The following THADA variants were observed in gnomAD, a reference collection of about 807,000 sequenced individuals.
THADA encodes tRNA (32-2'-O)-methyltransferase regulator THADA.
In THADA, 213 loss-of-function variants were observed where a neutral mutation model predicts 219.8. The ratio of observed to expected loss-of-function variants is 0.97; its 90% CI spans 0.87 to 1.09. The LOEUF (loss-of-function observed/expected upper bound fraction) is 1.09. Ranked by LOEUF, THADA falls within the 50% of genes least tolerant of loss-of-function variation. The probability of loss-of-function intolerance (pLI) is 0.00; values close to 1 mark genes in which losing one functional copy is unlikely to be tolerated. For missense variants in THADA, 2,956 were observed against 2,311.3 expected (o/e 1.28, Z -5.72); for synonymous variants, 1,018 against 828.9 (o/e 1.23, Z -3.92).
chr2:43,385,171 C>T (rs563151340), intron 29 of THADA, among the ~76,000 whole-genome samples: 28 of 151,464 alleles, frequency 1.8e-4, no homozygotes, highest in Admixed American at 4.6e-4. Flanking sequence ...ACAAAAAAAC[C>T]CACAAAAAAA....
At chr2:43,273,218 C>T (rs1006117444) in intron 36 of THADA, among the ~76,000 whole-genome samples, 1 of 151,392 alleles carries the variant, frequency 6.6e-6, no homozygotes, top group Non-Finnish European at 1.5e-5. Flanking sequence ...CACCACTGCA[C>T]TCTCGCCTGG....
chr2:43,575,124 G>A, intron 10 of THADA, 97 bp from the exon 11 acceptor site: 6 of 881,320 alleles, frequency 6.8e-6, no homozygotes, highest in South Asian at 2.3e-5. Context: ...TAAATACACA[G>A]AATGACCACA....
At chr2:43,295,506 G>A (rs957229091) in intron 31 of THADA, among the ~76,000 whole-genome samples, 2 of 152,202 alleles carry the variant, frequency 1.3e-5, no homozygotes, top group South Asian at 4.1e-4. Flanking sequence ...CCAAAATTTA[G>A]ATATTATATT....
At chr2:43,413,057 G>T (rs1330308094) in intron 28 of THADA, among the ~76,000 whole-genome samples, 1 of 151,900 alleles carries the variant, frequency 6.6e-6, no homozygotes, top group African/African-American at 2.4e-5. Context: ...GGGCATTTGG[G>T]GTTAACGATA....
intron 25 of THADA, among the ~76,000 whole-genome samples, chr2:43,491,761 C>A (rs1050569276): frequency 2.6e-5 from 4 of 152,152 alleles, no homozygotes; most frequent in Non-Finnish European, 4.4e-5. Flanking sequence ...AATTCCCAAA[C>A]AACAGATTTC....
At chr2:43,540,267 C>A (rs114252335) in intron 21 of THADA, among the ~76,000 whole-genome samples, 67 of 152,336 alleles carry the variant, frequency 4.4e-4, no homozygotes, top group African/African-American at 1.4e-3. Flanking sequence ...TCCTGTGCGC[C>A]TTTGCCTTTC....
chr2:43,536,124 G>A (rs2103783639), intron 21 of THADA, among the ~76,000 whole-genome samples: 1 of 152,212 alleles, frequency 6.6e-6, no homozygotes, highest in East Asian at 1.9e-4. Flanking sequence ...GTTGATTTTT[G>A]TATAGAGTGA....
At chr2:43,270,716 A>T (rs1282516097) in intron 36 of THADA, among the ~76,000 whole-genome samples, 1 of 152,142 alleles carries the variant, frequency 6.6e-6, no homozygotes, top group East Asian at 1.9e-4. Context: ...GAAGTATAGT[A>T]GGTCCCTATA....
At chr2:43,527,722 T>C (rs1212368007) in intron 22 of THADA, among the ~76,000 whole-genome samples, 157 bp downstream of exon 22, 5 of 152,222 alleles carry the variant, frequency 3.3e-5, no homozygotes, top group East Asian at 1.9e-4. Context: ...CAGTAAATCA[T>C]ACAATGAAAC....
intron 17 of THADA, among the ~76,000 whole-genome samples, chr2:43,553,977 A>G (rs553743366): frequency 1.3e-5 from 2 of 152,272 alleles, no homozygotes; most frequent in African/African-American, 4.8e-5. Context: ...ATGTCCTTTT[A>G]TTAGTGAGTT....
At chr2:43,263,556 T>C in intron 36 of THADA, among the ~76,000 whole-genome samples, 1 of 152,126 alleles carries the variant, frequency 6.6e-6, no homozygotes, top group East Asian at 1.9e-4. Flanking sequence ...AGAGCCAACA[T>C]GCTAAGGATG....
rs1667620217 is a variant in THADA, at chr2:43,233,004, G to A, written c.5297-122C>T. The A allele has an allele frequency of 2.8e-6, 3 of 1,052,768 alleles. No homozygotes were observed. In the African/African-American group the frequency reaches 4.8e-5, roughly 17 times the overall value. 65.2% of individuals were successfully genotyped at this position (1,052,768 alleles called of 1,614,324 possible). A position where few individuals can be genotyped will look rare whatever the true frequency, so the allele number is the denominator to read the frequency against. Reference sequence around the variant, plus strand: ...AAATCGCTGCCACCAGCCTGGCAGGGAAGCTGGTAGGGTGGGCTCACTGGA... The same window carrying A: ...AAATCGCTGCCACCAGCCTGGCAGGAAAGCTGGTAGGGTGGGCTCACTGGA... On this transcript the variant is annotated intron_variant, in intron 36 of 37. Transcript: ENST00000405975.
chr2:43,487,181 T>C (rs985731023), intron 25 of THADA, among the ~76,000 whole-genome samples: 1 of 152,172 alleles, frequency 6.6e-6, no homozygotes, highest in African/African-American at 2.4e-5. Flanking sequence ...GTCTGGATTA[T>C]CTTCTACCTG....
intron 36 of THADA, among the ~76,000 whole-genome samples, chr2:43,251,755 T>A (rs1347137021): frequency 6.6e-6 from 1 of 152,192 alleles, no homozygotes; most frequent in East Asian, 1.9e-4. Flanking sequence ...TTCTCAGAAA[T>A]CTACTCCAAA....
chr2:43,586,702 C>A lies in THADA; in HGVS notation c.484G>T (p.Val162Leu), dbSNP rs1701064431. Residue 162 changes from valine (V) to leucine (L), a missense_variant and splice_region_variant, in exon 6 of 38, where the codon GTG (valine) becomes TTG (leucine). Coordinates refer to ENST00000405975, the MANE Select transcript of THADA (RefSeq NM_022065.5). ...RASVNNLLKNVLHFLQKSLIE... is the reference protein window; with the variant it reads ...RASVNNLLKNLLHFLQKSLIE... Reference sequence around the variant, plus strand: ...AACAAAATAAAATAATAGGACTTACCATTTTTAAGCAGATTATTAACACTT... The same window carrying A: ...AACAAAATAAAATAATAGGACTTACAATTTTTAAGCAGATTATTAACACTT... The A allele has an allele frequency of 6.2e-7, 1 of 1,610,928 alleles. No homozygotes were observed. The highest frequency in any genetic ancestry group is 1.1e-5 in the South Asian group (1 of 90,130).
intron 20 of THADA, among the ~76,000 whole-genome samples, chr2:43,545,092 G>C (rs947677957): frequency 6.6e-6 from 1 of 152,098 alleles, no homozygotes; most frequent in Non-Finnish European, 1.5e-5. Context: ...AAGCGTTGTT[G>C]AATTTTGTCA....
At position 43,586,835 on chromosome 2, in the gene THADA, T is replaced by G. The variant is rs772134897; in HGVS notation, c.451+19A>C. The G allele has an allele frequency of 2.5e-5, 41 of 1,612,402 alleles. No individual in the cohort carries two copies. The highest frequency in any genetic ancestry group is 1.5e-4 in the Admixed American group (9 of 59,678). ...GAGAGGGGTTAGCCAGAAAAAGGAC[T>G]AGAAAAGTGCAGCCTTACCCAAGTT... On this transcript the variant is annotated intron_variant, in intron 5 of 37. Coordinates refer to ENST00000405975, the MANE Select transcript of THADA (RefSeq NM_022065.5).
chr2:43,591,229 C>T (rs1456275101), intron 3 of THADA, among the ~76,000 whole-genome samples: 1 of 152,010 alleles, frequency 6.6e-6, no homozygotes, highest in Non-Finnish European at 1.5e-5. Context: ...GGGGCTGAGG[C>T]AGGAGGATTG....
chr2:43,398,052 G>A lies in THADA; in HGVS notation c.4146C>T (p.Thr1382=). The A allele has an allele frequency of 1.2e-6, 2 of 1,613,988 alleles. No individual in the cohort carries two copies. Among genetic ancestry groups the A allele is most frequent in the Non-Finnish European group, 1.7e-6 (2 of 1,179,854 alleles). ...GGAGTGTGGACAACAGAGTTCGAATGGTATTAGGAATGTGATCTATCATAA... is the reference window on the plus strand; with the variant it reads ...GGAGTGTGGACAACAGAGTTCGAATAGTATTAGGAATGTGATCTATCATAA... ...PFVMIDHIPN[T]IRTLLSTLPS... is the part of the protein sequence containing the mutation. Residue 1382 remains threonine (T), a synonymous_variant, in exon 29 of 38, where the codon ACC becomes ACT. Coordinates refer to ENST00000405975, the MANE Select transcript of THADA (RefSeq NM_022065.5).
Sources: allele counts gnomAD v4.1 joint callset (sites outside exome capture counted in the v4.1 genomes callset), GRCh38; gene constraint gnomAD v4.1.1; transcripts MANE v1.5; gene names NCBI Gene and HGNC (gene_info 2026-07-23, HGNC 2026-07-21).